TTC28: variants seen among roughly 807,000 people sequenced by gnomAD.
TTC28 encodes tetratricopeptide repeat domain 28.
A neutral mutation model predicts 198.0 loss-of-function variants in TTC28; 61 were observed. That is an observed-to-expected ratio of 0.31 (90% CI 0.25 to 0.38). TTC28 has a LOEUF of 0.38. TTC28 is among the 10% of genes least tolerant of loss of function. The pLI is 1.00. For missense variants in TTC28, 2,678 were observed against 3,164.0 expected, an observed-to-expected ratio of 0.85 and a Z score of 3.69; for synonymous variants, 1,171 against 1,297.8, an observed-to-expected ratio of 0.90 and a Z score of 2.10.
At chr22:28,352,614 G>T (rs1301108375) in intron 2 of TTC28, among the ~76,000 whole-genome samples, 1 of 152,022 alleles carries the variant, frequency 6.6e-6, no homozygotes, top group Non-Finnish European at 1.5e-5. Flanking sequence ...ACCACTTGGG[G>T]GTAGCCCACT....
In TTC28 at chr22:27,992,549, G is replaced by C. The variant is rs541954423; in HGVS notation, c.5553+38C>G. 45 of 1,546,676 alleles carry C rather than the reference G, an allele frequency of 2.9e-5. No homozygotes were observed. The East Asian group carries it at 9.3e-4, about 32-fold the overall frequency. ...GCTCTGCCTTTCCAAATCAGCATGGGCCTCAGGCCCTGGCTCAGCCCTCCA... is the reference window on the plus strand; with the variant it reads ...GCTCTGCCTTTCCAAATCAGCATGGCCCTCAGGCCCTGGCTCAGCCCTCCA... On this transcript the variant is annotated intron_variant, in intron 19 of 22. Transcript: ENST00000397906.
intron 12 of TTC28, among the ~76,000 whole-genome samples, chr22:28,055,367 A>G (rs1295809757): frequency 6.6e-6 from 1 of 152,210 alleles, no homozygotes; most frequent in Non-Finnish European, 1.5e-5. Context: ...CTTCTAAAGG[A>G]GCTCTATGTA....
At chr22:28,523,048 T>C (rs2048939216) in intron 2 of TTC28, among the ~76,000 whole-genome samples, 1 of 152,204 alleles carries the variant, frequency 6.6e-6, no homozygotes, top group Non-Finnish European at 1.5e-5. Flanking sequence ...ATGTGAATTA[T>C]ATCTGAACAA....
intron 5 of TTC28, among the ~76,000 whole-genome samples, chr22:28,190,023 A>G (rs1308154978): frequency 6.6e-6 from 1 of 152,212 alleles, no homozygotes; most frequent in East Asian, 1.9e-4. Context: ...ACAGAAATTA[A>G]GAAGGTATTG....
intron 9 of TTC28, 68 bp from the exon 10 acceptor site, chr22:28,099,112 G>A: frequency 6.5e-7 from 1 of 1,532,772 alleles, no homozygotes; most frequent in Non-Finnish European, 8.8e-7. Context: ...ACAGACTAGA[G>A]ACAACTTTTG....
chr22:28,571,049 A>G (rs1468939018), intron 2 of TTC28, among the ~76,000 whole-genome samples: 1 of 152,252 alleles, frequency 6.6e-6, no homozygotes, highest in Non-Finnish European at 1.5e-5. Context: ...CTTTAATTAA[A>G]GTACAACACA....
At chr22:28,627,731 C>A (rs1314378488) in intron 2 of TTC28, among the ~76,000 whole-genome samples, 1 of 151,924 alleles carries the variant, frequency 6.6e-6, no homozygotes, top group African/African-American at 2.4e-5. Context: ...CCGTGCCCAG[C>A]CCATATACAA....
intron 2 of TTC28, among the ~76,000 whole-genome samples, chr22:28,341,035 A>G (rs563001272): frequency 6.6e-6 from 1 of 152,258 alleles, no homozygotes; most frequent in African/African-American, 2.4e-5. Context: ...AAAGGGTACA[A>G]CATGTAGCAT....
chr22:28,587,123 G>A (rs540626755), intron 2 of TTC28, among the ~76,000 whole-genome samples: 15 of 152,244 alleles, frequency 9.9e-5, no homozygotes, highest in East Asian at 3.9e-4. Context: ...TTGGAAGGCC[G>A]AGGCAGGTGG....
chr22:28,106,934 A>C, intron 7 of TTC28, 128 bp downstream of exon 7: 1 of 1,210,140 alleles, frequency 8.3e-7, no homozygotes, highest in Non-Finnish European at 1.1e-6. Flanking sequence ...TTGTTGGAGG[A>C]ATCAGATGAG....
At chr22:28,165,079 T>C (rs1016049204) in intron 5 of TTC28, among the ~76,000 whole-genome samples, 1 of 151,998 alleles carries the variant, frequency 6.6e-6, no homozygotes, top group East Asian at 1.9e-4. Context: ...AGGGTATCAG[T>C]GATGGAAGAC....
intron 14 of TTC28, chr22:28,002,599 A>C (rs1937751381): frequency 6.6e-6 from 1 of 151,672 alleles, no homozygotes; most frequent in Admixed American, 6.6e-5. Flanking sequence ...CTGTAAACCC[A>C]TATGGTTTTT....
intron 2 of TTC28, among the ~76,000 whole-genome samples, chr22:28,550,527 GCC>G (rs529711558): frequency 1.4e-3 from 210 of 152,154 alleles, no homozygotes; most frequent in African/African-American, 4.8e-3. Flanking sequence ...AAGTATTCAT[GCC>G]CTACTTCTAT....
chr22:28,064,246 A>G (rs1222858418), intron 12 of TTC28, among the ~76,000 whole-genome samples: 1 of 152,142 alleles, frequency 6.6e-6, no homozygotes, highest in African/African-American at 2.4e-5. Context: ...GAAAGAATGC[A>G]CTAGAACTCC....
At chr22:28,471,206 CA>C (rs2048092884) in intron 2 of TTC28, among the ~76,000 whole-genome samples, 1 of 152,036 alleles carries the variant, frequency 6.6e-6, no homozygotes. Flanking sequence ...AACTCTTTTC[CA>C]AAAAACCATT....
At chr22:28,652,172 T>C (rs1243324004) in intron 1 of TTC28, among the ~76,000 whole-genome samples, 2 of 152,208 alleles carry the variant, frequency 1.3e-5, no homozygotes, top group Non-Finnish European at 2.9e-5. Context: ...TACATTATAT[T>C]CCATGCATCA....
intron 2 of TTC28, among the ~76,000 whole-genome samples, chr22:28,477,122 C>T (rs1211661805): frequency 6.6e-6 from 1 of 152,126 alleles, no homozygotes; most frequent in African/African-American, 2.4e-5. Flanking sequence ...TGGGGAGGAG[C>T]AGCTGACTAC....
intron 5 of TTC28, among the ~76,000 whole-genome samples, chr22:28,200,373 A>G (rs1569194137): frequency 6.6e-6 from 1 of 152,228 alleles, no homozygotes; most frequent in Non-Finnish European, 1.5e-5. Flanking sequence ...TTTTTGCTTT[A>G]CAAATTTCCT....
At chr22:28,082,126 C>T (rs1175355691) in intron 12 of TTC28, among the ~76,000 whole-genome samples, 1 of 152,178 alleles carries the variant, frequency 6.6e-6, no homozygotes. Context: ...TTTACTAAAT[C>T]TGTTTATTAG....
Sources: gnomAD v4.1 joint callset for allele counts (sites outside exome capture counted in the v4.1 genomes callset) on GRCh38, gnomAD v4.1.1 for gene constraint, MANE v1.5 for transcripts, NCBI Gene and HGNC (gene_info 2026-07-23, HGNC 2026-07-21) for gene names.